CPT1B: variants seen among roughly 807,000 people sequenced by gnomAD.
The protein encoded by CPT1B is carnitine O-palmitoyltransferase 1, muscle isoform.
A neutral mutation model predicts 92.7 loss-of-function variants in CPT1B; 57 were observed. The observed-to-expected ratio is 0.62, with a 90% CI of 0.50 to 0.77. CPT1B has a LOEUF of 0.77. Among genes scored for constraint, CPT1B ranks in the 30% least tolerant of loss-of-function variants. The pLI is 0.00. For missense variants in CPT1B, 983 were observed against 1,017.4 expected (o/e 0.97, Z 0.46); for synonymous variants, 398 against 383.5 (o/e 1.04, Z -0.44).
Position 50,570,294 on chromosome 22 carries a change from G to A in CPT1B, c.2141C>T (p.Pro714Leu), listed in dbSNP as rs1180438662. 1.3e-6 allele frequency: 2 copies of A among 1,566,182 alleles called. No homozygotes were observed. The highest frequency in any genetic ancestry group is 1.7e-6 in the Non-Finnish European group (2 of 1,152,656). ...NHLGAGGGFG[P>L]VADDGYGVSY... ...CCCACCCCCTTCAGGAGCACTCACA[G>A]GGCCAAAGCCACCTCCAGCGCCCAG... is the stretch of plus-strand genomic sequence containing the variant. The change falls in exon 17 of 20, where the codon CCT becomes CTT. Residue 714 changes from proline to leucine, a missense_variant and splice_region_variant. Transcript: ENST00000312108.
rs769235431 is a variant in CPT1B at position 50,574,604 on chromosome 22, C to T, written c.778-4G>A. Reference sequence around the variant, plus strand: ...TATTCTTGATGAGCACAAGGTCCTACAGAGGAACAGAGCCCGCGGGGTGGG... The same window carrying T: ...TATTCTTGATGAGCACAAGGTCCTATAGAGGAACAGAGCCCGCGGGGTGGG... On this transcript the variant is annotated splice_polypyrimidine_tract_variant and splice_region_variant and intron_variant, in intron 7 of 19. Coordinates refer to ENST00000312108, the MANE Select transcript of CPT1B (RefSeq NM_152246.3). 7 of 1,613,498 alleles carry T rather than the reference C, an allele frequency of 4.3e-6. No individual in the cohort carries two copies. In the African/African-American group the frequency reaches 8.0e-5, roughly 18 times the overall value.
intron 13 of CPT1B, 78 bp downstream of exon 13, chr22:50,571,928 G>A: frequency 7.6e-7 from 1 of 1,315,618 alleles, no homozygotes; most frequent in Middle Eastern, 2.6e-4. Context: ...CAGGGGAGGA[G>A]GAGGCTCAGG....
rs367724167 is a variant in CPT1B at position 50,570,295 on chromosome 22, G to T, written c.2140C>A (p.Pro714Thr). 62 of 1,568,736 alleles carry T rather than the reference G, an allele frequency of 4.0e-5. No individual in the cohort carries two copies. Among genetic ancestry groups the T allele is most frequent in the Non-Finnish European group, 5.2e-5 (60 of 1,154,276 alleles). ...NHLGAGGGFG[P>T]VADDGYGVSY... ...CCACCCCCTTCAGGAGCACTCACAG[G>T]GCCAAAGCCACCTCCAGCGCCCAGG... Residue 714 changes from proline (P) to threonine (T), a missense_variant and splice_region_variant, in exon 17 of 20, where the codon CCT becomes ACT. Physicochemically the swap from Pro to Thr is conservative, Grantham distance 38. Coordinates refer to ENST00000312108, the MANE Select transcript of CPT1B (RefSeq NM_152246.3).
chr22:50,576,382 C>T (rs2070437407), intron 5 of CPT1B, 47 bp from the exon 6 acceptor site: 1 of 1,613,006 alleles, frequency 6.2e-7, no homozygotes, highest in East Asian at 2.2e-5. Context: ...GCAAGGGCTG[C>T]CTCTATCTTA....
chr22:50,574,256 G>A (rs2070327178), intron 9 of CPT1B, 79 bp downstream of exon 9: 1 of 1,103,548 alleles, frequency 9.1e-7, no homozygotes, highest in Non-Finnish European at 1.4e-6. Context: ...GAGACACTGG[G>A]GACGCTTGGT....
Position 50,571,510 on chromosome 22 carries a change from C to T in CPT1B, c.1605G>A (p.Gln535=). The T allele has an allele frequency of 6.2e-7, 1 of 1,613,314 alleles. No individual in the cohort carries two copies. Among genetic ancestry groups the T allele is most frequent in the Non-Finnish European group, 8.5e-7 (1 of 1,180,020 alleles). ...CGTCGTCTGCCAACGCCTTGGCCAC[C>T]TGGTAGGAACTCTCGATGACCGCCT... ...QCQAVIESSY[Q]VAKALADDVE... Residue 535 remains glutamine, a synonymous_variant, in exon 14 of 20, where the codon CAG becomes CAA. Transcript: ENST00000312108.
chr22:50,571,966 C>T (rs1192693948), intron 13 of CPT1B, 40 bp downstream of exon 13: 1 of 1,579,694 alleles, frequency 6.3e-7, no homozygotes, highest in Admixed American at 1.7e-5. Context: ...CCACCTGCTG[C>T]TTTGTGGTCT....
chr22:50,572,991 G>T lies in CPT1B; in HGVS notation c.1236C>A (p.Ile412=). The T allele has an allele frequency of 6.2e-7, 1 of 1,613,660 alleles. No homozygotes were observed. Among genetic ancestry groups the T allele is most frequent in the African/African-American group, 1.3e-5 (1 of 75,050 alleles). ...SGKNKAALEA[I]ERAAFFVALD... is the part of the protein sequence containing the mutation. Reference sequence around the variant, plus strand: ...GGGCCACGAAGAAAGCGGCACGCTCGATGGCCTCCAAGGCAGCCTTATTCT... The same window carrying T: ...GGGCCACGAAGAAAGCGGCACGCTCTATGGCCTCCAAGGCAGCCTTATTCT... The change falls in exon 11 of 20, where the codon ATC becomes ATA. Residue 412 remains isoleucine (I), a synonymous_variant. Transcript: ENST00000312108.
intron 2 of CPT1B, 51 bp downstream of exon 2, chr22:50,577,724 C>T: frequency 6.2e-7 from 1 of 1,600,344 alleles, no homozygotes; most frequent in Non-Finnish European, 8.5e-7. Flanking sequence ...AAGCGCTTAA[C>T]AGCTGACAGC....
In CPT1B at chr22:50,573,701, G is replaced by A. The variant is rs759461743; in HGVS notation, c.985C>T (p.Leu329Phe). The change falls in exon 10 of 20, where the codon CTC (leucine) becomes TTC (phenylalanine). Residue 329 changes from leucine to phenylalanine, a missense_variant. Leu to Phe is a conservative substitution (Grantham distance 22). Transcript: ENST00000312108. This position sits in a 1 kb window ranked among gnomAD's most constrained non-coding sequence, Gnocchi z 5.0. ...ACAGCCACGTGCCGGCTGTCTGAGA[G>A]GTGCTGTAGCACATCTGTGATACAG... Reference protein sequence around the residue: ...PGKDTDVLQHLSDSRHVAVYH... With the variant: ...PGKDTDVLQHFSDSRHVAVYH... The A allele has an allele frequency of 2.7e-5, 44 of 1,612,386 alleles. No individual in the cohort carries two copies. Among genetic ancestry groups the A allele is most frequent in the Non-Finnish European group, 3.6e-5 (42 of 1,179,718 alleles).
chr22:50,570,645 C>A (rs553405063), intron 16 of CPT1B, among the ~76,000 whole-genome samples: 73 of 152,342 alleles, frequency 4.8e-4, no homozygotes, highest in African/African-American at 1.5e-3. Flanking sequence ...GCTGTCACCA[C>A]CTGACAGATC....
In CPT1B at chr22:50,573,554, C is replaced by A; in HGVS notation, c.1132G>T (p.Glu378Ter). The change falls in exon 10 of 20, where the codon GAG (glutamate) becomes TAG (stop). Residue 378 changes from glutamate to a stop codon, truncating the protein, a stop_gained. Transcript: ENST00000312108. LOFTEE classifies it high-confidence loss of function. The surrounding 1 kb of genome is among the most constrained non-coding windows in gnomAD (Gnocchi z 5.0). The stretch of plus-strand genomic sequence containing the variant: ...GCAGTGAGGGCTGCCAGCTTCTCCT[C>A]CCCAGGCTGAGGTGGGGAGGGGTCG... ...LDDPSPPQPGEEKLAALTAGG... is the reference protein window; with the variant it reads ...LDDPSPPQPG The A allele has an allele frequency of 6.2e-7, 1 of 1,613,216 alleles. No individual in the cohort carries two copies. The highest frequency in any genetic ancestry group is 1.1e-5 in the South Asian group (1 of 91,050).
In CPT1B at chr22:50,570,990, C is replaced by T. The variant is rs2070137719; in HGVS notation, c.1929G>A (p.Met643Ile). ...CTGCCCCGGTCATGGCCAGGCGGTACATATTCTGGTGCTTCTTAGCAGCCT... is the reference window on the plus strand; with the variant it reads ...CTGCCCCGGTCATGGCCAGGCGGTATATATTCTGGTGCTTCTTAGCAGCCT... ...FQKAAKKHQNMYRLAMTGAGI... is the reference protein window; with the variant it reads ...FQKAAKKHQNIYRLAMTGAGI... The change falls in exon 16 of 20, where the codon ATG becomes ATA. Residue 643 changes from methionine to isoleucine, a missense_variant. Transcript: ENST00000312108. 1 of 1,613,924 alleles carries T rather than the reference C, an allele frequency of 6.2e-7. No homozygotes were observed. The highest frequency in any genetic ancestry group is 1.7e-5 in the Admixed American group (1 of 60,012).
At position 50,571,998 on chromosome 22, in the gene CPT1B, C is replaced by T. The variant is rs1011286343; in HGVS notation, c.1575+8G>A. ...GTCTCACACCTGCTCTGGGAGCTTC[C>T]AACCCACCTGTTTTGGAATGTCCCA... On this transcript the variant is annotated splice_region_variant and intron_variant, in intron 13 of 19. Coordinates refer to ENST00000312108, the MANE Select transcript of CPT1B (RefSeq NM_152246.3). The T allele has an allele frequency of 6.2e-7, 1 of 1,612,872 alleles. No individual in the cohort carries two copies. The highest frequency in any genetic ancestry group is 1.3e-5 in the African/African-American group (1 of 74,912).
chr22:50,572,938 G>T lies in CPT1B; in HGVS notation c.1289C>A (p.Pro430His). 7 of 1,613,754 alleles carry T rather than the reference G, an allele frequency of 4.3e-6. No individual in the cohort carries two copies. Among genetic ancestry groups the T allele is most frequent in the Non-Finnish European group, 5.9e-6 (7 of 1,179,786 alleles). ...GAGGCTGAGGCTGGCCTCATCTTCG[G>T]GGTCATAGGAGTAGGATTCCTCATC... is the stretch of plus-strand genomic sequence containing the variant. ...ALDEESYSYD[P>H]EDEASLSLYG... Residue 430 changes from proline (P) to histidine (H), a missense_variant, in exon 11 of 20, where the codon CCC becomes CAC. Physicochemically the swap from Pro to His is moderately conservative, Grantham distance 77 (BLOSUM62 -2). Coordinates refer to ENST00000312108, the MANE Select transcript of CPT1B (RefSeq NM_152246.3).
At chr22:50,578,166 C>G (rs1204615194) in intron 1 of CPT1B, 1 of 166,738 alleles carries the variant, frequency 6.0e-6, no homozygotes, top group Non-Finnish European at 1.3e-5. Context: ...GCTCCAGGAG[C>G]CCCAAGGACG....
intron 2 of CPT1B, 76 bp from the exon 3 acceptor site, chr22:50,577,539 C>T (rs1375556134): frequency 6.4e-7 from 1 of 1,571,652 alleles, no homozygotes; most frequent in Non-Finnish European, 8.6e-7. Flanking sequence ...TGGGAACTGG[C>T]TCCTGGTCTT....
chr22:50,570,022 TG>T (rs1354006825), intron 17 of CPT1B, among the ~76,000 whole-genome samples: 1 of 152,204 alleles, frequency 6.6e-6, no homozygotes, highest in African/African-American at 2.4e-5. Context: ...CCCAGTGCAC[TG>T]CCCAGTACCC....
intron 3 of CPT1B, 122 bp downstream of exon 3, chr22:50,577,202 G>C (rs1368974029): frequency 7.1e-7 from 1 of 1,416,352 alleles, no homozygotes; most frequent in African/African-American, 1.4e-5. Context: ...TCATAGGGGA[G>C]GGCTGCCCCG....
Sources: allele counts gnomAD v4.1 joint callset (sites outside exome capture counted in the v4.1 genomes callset), GRCh38; gene constraint gnomAD v4.1.1; non-coding constraint Gnocchi (gnomAD v3.1); transcripts MANE v1.5; gene names NCBI Gene and HGNC (gene_info 2026-07-23, HGNC 2026-07-21).